The following HHAT variants were observed in gnomAD, a reference collection of about 807,000 sequenced individuals.
HHAT encodes hedgehog acyltransferase, also known as protein-cysteine N-palmitoyltransferase HHAT.
In HHAT, 47 loss-of-function variants were observed where a neutral mutation model predicts 70.8. The ratio of observed to expected loss-of-function variants is 0.66; its 90% CI spans 0.53 to 0.85. The LOEUF is 0.85. Ranked by LOEUF, HHAT falls within the 40% of genes least tolerant of loss-of-function variation. The pLI, the probability that HHAT is intolerant of heterozygous loss-of-function variation, is 0.00. For missense variants in HHAT, 609 were observed against 604.8 expected, an observed-to-expected ratio of 1.01 and a Z score of -0.07; for synonymous variants, 228 against 247.6, an observed-to-expected ratio of 0.92 and a Z score of 0.74.
chr1:210,522,813 C>T (rs114220649), intron 9 of HHAT, among the ~76,000 whole-genome samples: 7 of 151,590 alleles, frequency 4.6e-5, no homozygotes, highest in African/African-American at 1.7e-4. Flanking sequence ...TAACAGGATT[C>T]GAATCCTGGC....
At chr1:210,509,948 T>C (rs1460296942) in intron 8 of HHAT, among the ~76,000 whole-genome samples, 6 of 152,272 alleles carry the variant, frequency 3.9e-5, no homozygotes, top group African/African-American at 2.4e-5. Context: ...CTTTCATGCA[T>C]TGGGTGTCTA....
intron 2 of HHAT, among the ~76,000 whole-genome samples, chr1:210,351,793 C>T (rs1247323548): frequency 6.6e-6 from 1 of 152,176 alleles, no homozygotes; most frequent in Non-Finnish European, 1.5e-5. Flanking sequence ...TACAGGGCAG[C>T]TGGGTTCCAG....
At chr1:210,429,917 A>G (rs2093193117) in intron 7 of HHAT, among the ~76,000 whole-genome samples, 1 of 151,878 alleles carries the variant, frequency 6.6e-6, no homozygotes, top group Non-Finnish European at 1.5e-5. Flanking sequence ...GATTTTCCAA[A>G]TCTATCATTA....
intron 3 of HHAT, among the ~76,000 whole-genome samples, 178 bp from the exon 4 acceptor site, chr1:210,387,290 C>G (rs2091150632): frequency 6.6e-6 from 1 of 152,014 alleles, no homozygotes; most frequent in Non-Finnish European, 1.5e-5. Context: ...TTTGCCATTA[C>G]TAATAGCAAG....
At chr1:210,620,630 C>CT (rs1668636567) in intron 10 of HHAT, among the ~76,000 whole-genome samples, 2 of 152,156 alleles carry the variant, frequency 1.3e-5, no homozygotes, top group South Asian at 4.1e-4. Context: ...TGATCATCGT[C>CT]TATTTTGTCT....
intron 7 of HHAT, among the ~76,000 whole-genome samples, chr1:210,451,351 G>T (rs931789185): frequency 1.3e-5 from 2 of 152,158 alleles, no homozygotes; most frequent in African/African-American, 4.8e-5. Flanking sequence ...TTCCCTGCAT[G>T]TTCTCTTTTT....
At chr1:210,397,351 A>G (rs1273115332) in intron 4 of HHAT, among the ~76,000 whole-genome samples, 2 of 152,212 alleles carry the variant, frequency 1.3e-5, no homozygotes, top group Non-Finnish European at 2.9e-5. Flanking sequence ...ATTCCCAATC[A>G]TCTTCATAAT....
Position 210,349,064 on chromosome 1 carries a change from G to A in HHAT, c.89G>A (p.Arg30Lys). The A allele has an allele frequency of 3.1e-6, 5 of 1,613,984 alleles. No homozygotes were observed. The highest frequency in any genetic ancestry group is 4.2e-6 in the Non-Finnish European group (5 of 1,179,978). ...TTCTATGAAGTTTACAAAGTCTCCA[G>A]AGGTAAGGCCCCAAGCTTTTCAGAC... ...YSFYEVYKVS[R>K]EHEEELDQEF... The change falls in exon 2 of 12, where the codon AGA becomes AAA. Residue 30 changes from arginine (R) to lysine (K), a missense_variant and splice_region_variant. Transcript: ENST00000261458.
chr1:210,576,563 GCTAAATGAC>G, intron 9 of HHAT, among the ~76,000 whole-genome samples: 1 of 151,772 alleles, frequency 6.6e-6, no homozygotes, highest in Non-Finnish European at 1.5e-5. Flanking sequence ...TATACCTAAT[GCTAAATGAC>G]GAGTTAATGA....
chr1:210,614,774 G>C (rs61827394), intron 10 of HHAT, among the ~76,000 whole-genome samples: 1,480 of 132,682 alleles, frequency 0.011, no homozygotes, highest in South Asian at 0.015. Context: ...GTATTCCATG[G>C]TGTATATGTG....
chr1:210,565,720 G>A (rs903328996), intron 9 of HHAT, among the ~76,000 whole-genome samples: 9 of 152,182 alleles, frequency 5.9e-5, no homozygotes, highest in Admixed American at 2.6e-4. Context: ...CTGCCAGTTG[G>A]TGGGTTGGTA....
chr1:210,554,776 T>G (rs1558151003), intron 9 of HHAT, among the ~76,000 whole-genome samples: 15 of 152,158 alleles, frequency 9.9e-5, no homozygotes, highest in Admixed American at 8.5e-4. Context: ...ACTGGAGATC[T>G]GAGGGTCAGG....
intron 9 of HHAT, among the ~76,000 whole-genome samples, chr1:210,544,864 G>GGT (rs2095469272): frequency 6.6e-6 from 1 of 152,076 alleles, no homozygotes; most frequent in Non-Finnish European, 1.5e-5. Context: ...TGCACCAGAT[G>GGT]GCAGGAGTTA....
chr1:210,493,485 A>C (rs565781115), intron 8 of HHAT, among the ~76,000 whole-genome samples: 1 of 152,164 alleles, frequency 6.6e-6, no homozygotes, highest in Non-Finnish European at 1.5e-5. Flanking sequence ...AATCTGCTTT[A>C]TTCCAGGTCT....
upstream of HHAT, chr1:210,328,780 G>A (rs528485915): frequency 8.8e-5 from 31 of 352,188 alleles, no homozygotes; most frequent in Non-Finnish European, 1.5e-4. Context: ...CGGGCCGCCG[G>A]CGGGGCAAAC....
At chr1:210,404,819 T>G (rs1007252844) in intron 6 of HHAT, 140 bp downstream of exon 6, 2 of 629,388 alleles carry the variant, frequency 3.2e-6, no homozygotes, top group African/African-American at 3.7e-5. Flanking sequence ...CTCATGAGGT[T>G]TTTTGTAATA....
At chr1:210,436,567 C>T (rs2093381151) in intron 7 of HHAT, among the ~76,000 whole-genome samples, 1 of 151,558 alleles carries the variant, frequency 6.6e-6, no homozygotes, top group Admixed American at 6.6e-5. Context: ...TTGTGACTCT[C>T]CCCTTCATTC....
At chr1:210,649,078 A>G (rs1377171216) in intron 11 of HHAT, among the ~76,000 whole-genome samples, 2 of 152,198 alleles carry the variant, frequency 1.3e-5, no homozygotes, top group Non-Finnish European at 2.9e-5. Flanking sequence ...GCCCAACTGT[A>G]TAATCTTGGC....
chr1:210,451,686 C>T (rs2093759384), intron 7 of HHAT, among the ~76,000 whole-genome samples: 1 of 152,094 alleles, frequency 6.6e-6, no homozygotes, highest in African/African-American at 2.4e-5. Flanking sequence ...TCAGGTGATC[C>T]TCCCACCTCA....
Sources: allele counts gnomAD v4.1 joint callset (sites outside exome capture counted in the v4.1 genomes callset), GRCh38; gene constraint gnomAD v4.1.1; transcripts MANE v1.5; gene names NCBI Gene and HGNC (gene_info 2026-07-23, HGNC 2026-07-21).